The following TBC1D15 variants were observed in gnomAD, a reference collection of about 807,000 sequenced individuals.
The protein encoded by TBC1D15 is TBC1 domain family member 15.
Under a neutral mutation model 95.4 loss-of-function variants are expected in TBC1D15, and 39 were observed. The ratio of observed to expected loss-of-function variants is 0.41; its 90% confidence interval spans 0.32 to 0.53. The LOEUF (loss-of-function observed/expected upper bound fraction) is 0.53. TBC1D15 is among the 20% of genes least tolerant of loss of function. TBC1D15 has a pLI of 0.29. For missense variants in TBC1D15, 733 were observed against 794.3 expected (o/e 0.92, Z 0.93); for synonymous variants, 258 against 261.3 (o/e 0.99, Z 0.12).
chr12:71,877,808 A>G (rs1227690809), intron 3 of TBC1D15, among the ~76,000 whole-genome samples: 1 of 152,112 alleles, frequency 6.6e-6, no homozygotes, highest in East Asian at 1.9e-4. Context: ...CTCCCTATGT[A>G]GTCCATTTCC....
At chr12:71,883,732 C>T (rs1443064945) in intron 4 of TBC1D15, among the ~76,000 whole-genome samples, 1 of 152,026 alleles carries the variant, frequency 6.6e-6, no homozygotes. Context: ...GATAGTGTGA[C>T]ACTTCTTAAG....
chr12:71,884,964 A>C lies in TBC1D15; in HGVS notation c.497A>C (p.His166Pro). 6.2e-7 allele frequency: 1 copy of C among 1,613,988 alleles called. No individual in the cohort carries two copies. The highest frequency in any genetic ancestry group is 8.5e-7 in the Non-Finnish European group (1 of 1,179,896). The change falls in exon 5 of 17, where the codon CAT becomes CCT. Residue 166 changes from histidine (H) to proline (P), a missense_variant. By Grantham distance (77) the His-to-Pro change is moderately conservative. Coordinates refer to ENST00000485960, the MANE Select transcript of TBC1D15 (RefSeq NM_001146213.3). ...DDVVLPALHF[H>P]QGDSKLLIES... ...GTCGTTCTCCCTGCTCTACACTTTC[A>C]TCAAGGAGATAGCAAACTACTGATT...
chr12:71,868,877 A>G (rs570431312), intron 1 of TBC1D15: 23 of 152,316 alleles, frequency 1.5e-4, no homozygotes, highest in Admixed American at 5.9e-4. Flanking sequence ...CGACTATTCT[A>G]CTAGCTGAGT....
At chr12:71,881,769 T>G (rs1370548463) in intron 4 of TBC1D15, among the ~76,000 whole-genome samples, 3 of 151,520 alleles carry the variant, frequency 2.0e-5, no homozygotes, top group East Asian at 3.9e-4. Flanking sequence ...ACAAAAAAAT[T>G]AGCCGGGCGT....
At chr12:71,849,937 T>C in intron 1 of TBC1D15, 1 of 547,448 alleles carries the variant, frequency 1.8e-6, no homozygotes, top group Non-Finnish European at 3.6e-6. Flanking sequence ...AGGCTAAGTT[T>C]CCCCTGAAGG....
chr12:71,866,027 G>T (rs1013235440), intron 1 of TBC1D15, among the ~76,000 whole-genome samples: 8 of 152,080 alleles, frequency 5.3e-5, no homozygotes, highest in African/African-American at 1.7e-4. Context: ...TTCCCAGAAG[G>T]CAAGATGCCA....
chr12:71,901,454 G>A (rs983369136), intron 10 of TBC1D15, among the ~76,000 whole-genome samples: 3 of 152,108 alleles, frequency 2.0e-5, no homozygotes, highest in Non-Finnish European at 2.9e-5. Flanking sequence ...ATGTCTGTAA[G>A]TTAATATGTT....
intron 16 of TBC1D15, 67 bp downstream of exon 16, chr12:71,921,521 T>C (rs955684410): frequency 3.5e-5 from 35 of 992,670 alleles, no homozygotes; most frequent in Non-Finnish European, 4.8e-5. Flanking sequence ...AGAAAGATTT[T>C]TCTTCTTGGA....
chr12:71,889,991 C>T (rs962963400), intron 5 of TBC1D15, among the ~76,000 whole-genome samples: 80 of 152,238 alleles, frequency 5.3e-4, no homozygotes, highest in Admixed American at 1.8e-3. Flanking sequence ...TTTATGGCTG[C>T]GTAGTATTCC....
chr12:71,880,542 G>A lies in TBC1D15; in HGVS notation c.278G>A (p.Ser93Asn), dbSNP rs545045683. The A allele has an allele frequency of 4.1e-5, 66 of 1,613,522 alleles. No individual in the cohort carries two copies. The South Asian group carries it at 6.5e-4, about 16-fold the overall frequency. Reference sequence around the variant, plus strand: ...CATCGAGGATCAGAACATCTGAACAGTTACGAAGCAGAATGGGACATGGTT... The same window carrying A: ...CATCGAGGATCAGAACATCTGAACAATTACGAAGCAGAATGGGACATGGTT... ...RGHRGSEHLN[S>N]YEAEWDMVNT... The change falls in exon 4 of 17, where the codon AGT becomes AAT. Residue 93 changes from serine (S) to asparagine (N), a missense_variant. By Grantham distance (46) the Ser-to-Asn change is conservative. Transcript: ENST00000485960.
chr12:71,885,291 G>A (rs1896011920), intron 5 of TBC1D15, among the ~76,000 whole-genome samples: 1 of 152,144 alleles, frequency 6.6e-6, no homozygotes, highest in Non-Finnish European at 1.5e-5. Context: ...GAATGATGAT[G>A]CATTAGTAAT....
chr12:71,842,532 G>A (rs571738201), intron 1 of TBC1D15, among the ~76,000 whole-genome samples: 7 of 152,192 alleles, frequency 4.6e-5, no homozygotes, highest in Admixed American at 3.9e-4. Flanking sequence ...GAAGCAAGAA[G>A]GTATGAGAAA....
chr12:71,915,463 AAACAC>A (rs1392731369), intron 12 of TBC1D15, among the ~76,000 whole-genome samples: 1 of 151,720 alleles, frequency 6.6e-6, no homozygotes, highest in Non-Finnish European at 1.5e-5. Flanking sequence ...AAAAAAAAAA[AAACAC>A]AACTAAGATG....
At chr12:71,902,549 C>G (rs1899642801) in intron 10 of TBC1D15, among the ~76,000 whole-genome samples, 1 of 152,078 alleles carries the variant, frequency 6.6e-6, no homozygotes, top group African/African-American at 2.4e-5. Flanking sequence ...AAACTGGACC[C>G]CTACCTTTCA....
rs546192536 is a variant in TBC1D15, at chr12:71,857,560, C to G, written c.31-14510C>G. On this transcript the variant is annotated intron_variant, in intron 1 of 16. Coordinates refer to ENST00000485960, the MANE Select transcript of TBC1D15 (RefSeq NM_001146213.3). The stretch of plus-strand genomic sequence containing the variant: ...AAGTTTTAGTTGGACTTTAAAAAAT[C>G]TAGATTTTGCTTTTATTTTTAATTG... Among the ~76,000 whole-genome samples, 185 of 152,042 alleles carry G rather than the reference C, an allele frequency of 1.2e-3. 1 individual carries two copies. The highest frequency in any genetic ancestry group is 4.2e-3 in the African/African-American group (176 of 41,484).
chr12:71,841,401 C>G (rs1490598287), intron 1 of TBC1D15, among the ~76,000 whole-genome samples: 1 of 152,128 alleles, frequency 6.6e-6, no homozygotes, highest in African/African-American at 2.4e-5. Flanking sequence ...ACTGCAAATT[C>G]ACATCTATTG....
intron 12 of TBC1D15, among the ~76,000 whole-genome samples, chr12:71,915,448 T>TTAA (rs1555206463): frequency 7.7e-6 from 1 of 130,508 alleles, no homozygotes; most frequent in African/African-American, 2.8e-5. Context: ...GTAGATATTC[T>TTAA]AAAAAAAAAA....
At chr12:71,857,878 G>A (rs575072737) in intron 1 of TBC1D15, among the ~76,000 whole-genome samples, 39 of 152,250 alleles carry the variant, frequency 2.6e-4, no homozygotes, top group South Asian at 2.3e-3. Flanking sequence ...GGTAACTGCT[G>A]TTCTACTTTC....
intron 5 of TBC1D15, among the ~76,000 whole-genome samples, chr12:71,886,174 G>A (rs956278744): frequency 3.9e-5 from 6 of 152,076 alleles, no homozygotes; most frequent in Non-Finnish European, 7.4e-5. Context: ...GGGAACTGCA[G>A]GGAATGATTG....
Sources: allele counts gnomAD v4.1 joint callset (sites outside exome capture counted in the v4.1 genomes callset), GRCh38; gene constraint gnomAD v4.1.1; transcripts MANE v1.5; gene names NCBI Gene and HGNC (gene_info 2026-07-23, HGNC 2026-07-21).